The following CHL1 variants were observed in gnomAD, a reference collection of about 807,000 sequenced individuals.
CHL1 encodes the protein neural cell adhesion molecule L1-like protein.
CHL1 carries 96 observed loss-of-function variants against 141.9 expected under a neutral mutation model. The ratio of observed to expected loss-of-function variants is 0.68; its 90% CI spans 0.57 to 0.80. The LOEUF is 0.80. Among genes scored for constraint, CHL1 ranks in the 30% least tolerant of loss-of-function variants. CHL1 has a pLI of 0.00. For missense variants in CHL1, 1,820 were observed against 1,457.2 expected (o/e 1.25, Z -4.05); for synonymous variants, 613 against 502.2 (o/e 1.22, Z -2.95).
chr3:199,428 T>G (rs1269215910), intron 1 of CHL1, among the ~76,000 whole-genome samples: 1 of 152,214 alleles, frequency 6.6e-6, no homozygotes, highest in African/African-American at 2.4e-5. Flanking sequence ...GAAACGGCTA[T>G]AGATATTTAT....
intron 2 of CHL1, among the ~76,000 whole-genome samples, chr3:318,102 G>A (rs1027410977): frequency 1.8e-4 from 28 of 151,814 alleles, no homozygotes; most frequent in Admixed American, 1.6e-3. Flanking sequence ...AGGTGGGAGG[G>A]TAGTATTTTC....
chr3:301,104 C>T (rs1698686801), intron 2 of CHL1, among the ~76,000 whole-genome samples: 1 of 152,024 alleles, frequency 6.6e-6, no homozygotes, highest in Non-Finnish European at 1.5e-5. Flanking sequence ...AAATATTAAC[C>T]CAGATCTCCT....
At chr3:210,450 G>T (rs1367770909) in intron 1 of CHL1, among the ~76,000 whole-genome samples, 2 of 152,158 alleles carry the variant, frequency 1.3e-5, no homozygotes, top group African/African-American at 2.4e-5. Context: ...TCCCTCACAT[G>T]ACCCATGCAA....
At chr3:242,367 G>T (rs11715481) in intron 1 of CHL1, among the ~76,000 whole-genome samples, 98,469 of 142,046 alleles carry the variant, frequency 0.69, 35,289 homozygotes, top group East Asian at 0.97. Context: ...GAGGCTGAGG[G>T]GGGCAGATCA....
At chr3:336,888 T>G (rs1701908655) in intron 5 of CHL1, among the ~76,000 whole-genome samples, 1 of 152,214 alleles carries the variant, frequency 6.6e-6, no homozygotes, top group African/African-American at 2.4e-5. Context: ...ATAAGACTCC[T>G]GTGCAGCTAG....
chr3:226,656 A>G (rs1701382413), intron 1 of CHL1, among the ~76,000 whole-genome samples: 1 of 151,936 alleles, frequency 6.6e-6, no homozygotes, highest in Non-Finnish European at 1.5e-5. Context: ...CATGTTGGCC[A>G]GACTGTTCTT....
At chr3:317,942 CAAGTAT>C (rs1362002027) in intron 2 of CHL1, among the ~76,000 whole-genome samples, 3 of 151,752 alleles carry the variant, frequency 2.0e-5, no homozygotes, top group African/African-American at 4.8e-5. Context: ...AGTTAAATTA[CAAGTAT>C]AAGTTATTTG....
At chr3:238,268 A>AG (rs1692189630) in intron 1 of CHL1, among the ~76,000 whole-genome samples, 2 of 152,306 alleles carry the variant, frequency 1.3e-5, no homozygotes, top group African/African-American at 4.8e-5. Flanking sequence ...TGACCAAAAA[A>AG]GAGGTATTTT....
intron 5 of CHL1, among the ~76,000 whole-genome samples, chr3:337,772 T>C (rs1049786104): frequency 6.6e-6 from 1 of 152,138 alleles, no homozygotes; most frequent in Non-Finnish European, 1.5e-5. Context: ...TCATTGTTGG[T>C]TCCAGGACAT....
intron 2 of CHL1, chr3:308,738 C>G (rs1444345312): frequency 2.0e-5 from 3 of 152,754 alleles, no homozygotes; most frequent in African/African-American, 7.2e-5. Flanking sequence ...AGACCTTGAT[C>G]TGGCTCAGAT....
In CHL1 at chr3:303,705, A is replaced by G. The variant is rs148839751; in HGVS notation, c.-94-15978A>G. ...AGAGACAATTTGACTTCCTATTTGA[A>G]TACACTTTATTTCTTTCTCTTGCCT... On this transcript the variant is annotated intron_variant, in intron 2 of 27. Transcript: ENST00000256509. Among the ~76,000 whole-genome samples, 175 of 151,892 alleles carry G rather than the reference A, an allele frequency of 1.2e-3. 1 individual carries two copies. Among genetic ancestry groups the G allele is most frequent in the African/African-American group, 4.0e-3 (167 of 41,484 alleles).
intron 4 of CHL1, among the ~76,000 whole-genome samples, chr3:326,652 C>T (rs1169380761): frequency 6.6e-6 from 1 of 150,862 alleles, no homozygotes; most frequent in Non-Finnish European, 1.5e-5. Flanking sequence ...AAAATACCTT[C>T]TATGTTTGGG....
At chr3:204,879 A>C (rs1444099098) in intron 1 of CHL1, among the ~76,000 whole-genome samples, 4 of 152,132 alleles carry the variant, frequency 2.6e-5, no homozygotes, top group South Asian at 4.1e-4. Context: ...ATCTCATCTG[A>C]CTTTTACAAT....
chr3:379,890 G>A (rs1441675756), intron 16 of CHL1, among the ~76,000 whole-genome samples: 3 of 151,956 alleles, frequency 2.0e-5, no homozygotes, highest in Non-Finnish European at 4.4e-5. Flanking sequence ...AGACACATAC[G>A]AGGTTTCTAA....
At chr3:206,987 C>T (rs1699498892) in intron 1 of CHL1, among the ~76,000 whole-genome samples, 1 of 152,162 alleles carries the variant, frequency 6.6e-6, no homozygotes, top group South Asian at 2.1e-4. Context: ...CATATCTCAG[C>T]ATTGCTGTTC....
At chr3:313,428 T>A (rs1351835401) in intron 2 of CHL1, among the ~76,000 whole-genome samples, 1 of 152,176 alleles carries the variant, frequency 6.6e-6, no homozygotes, top group Non-Finnish European at 1.5e-5. Flanking sequence ...CCTCTTTTTT[T>A]AAATTCCAGC....
At chr3:221,052 T>A (rs1239594306) in intron 1 of CHL1, among the ~76,000 whole-genome samples, 1 of 152,220 alleles carries the variant, frequency 6.6e-6, no homozygotes, top group Non-Finnish European at 1.5e-5. Flanking sequence ...TAGTTGCCAA[T>A]TAGAAAATCT....
At chr3:264,252 ATTGTTCATAACCCCTGCCT>A in intron 2 of CHL1, among the ~76,000 whole-genome samples, 1 of 152,108 alleles carries the variant, frequency 6.6e-6, no homozygotes, top group Admixed American at 6.5e-5. Context: ...AGTAAATGAT[ATTGTTCATAACCCCTGCCT>A]TTATTGCTTT....
chr3:352,193 G>C (rs1390208720), intron 10 of CHL1, among the ~76,000 whole-genome samples: 1 of 152,032 alleles, frequency 6.6e-6, no homozygotes, highest in Non-Finnish European at 1.5e-5. Context: ...AGAAATCCTT[G>C]TTTTCAAATA....
Sources: gnomAD v4.1 joint callset for allele counts (sites outside exome capture counted in the v4.1 genomes callset) on GRCh38, gnomAD v4.1.1 for gene constraint, MANE v1.5 for transcripts, NCBI Gene and HGNC (gene_info 2026-07-23, HGNC 2026-07-21) for gene names.